Variants in OSBPL6 observed in about 807,000 individuals in gnomAD.
The protein encoded by OSBPL6 is oxysterol binding protein like 6.
OSBPL6 carries 49 observed loss-of-function variants against 125.8 expected under a neutral mutation model. That is an observed-to-expected ratio of 0.39 (90% CI 0.31 to 0.49). OSBPL6 has a LOEUF of 0.49. OSBPL6 is among the 20% of genes least tolerant of loss of function. The pLI is 0.88. For missense variants in OSBPL6, 986 were observed against 1,135.4 expected (o/e 0.87, Z 1.89); for synonymous variants, 394 against 391.8 (o/e 1.01, Z -0.07).
rs146488457 is a variant in OSBPL6, at chr2:178,198,111, G to C, written c.-351+3437G>C. ...TACACTAAGTTTAGGGAACAGATAGGTGGGGACTACCAGGAGAGATCCAAG... is the reference window on the plus strand; with the variant it reads ...TACACTAAGTTTAGGGAACAGATAGCTGGGGACTACCAGGAGAGATCCAAG... On this transcript the variant is annotated intron_variant, in intron 1 of 24. Transcript: ENST00000190611. Among the ~76,000 whole-genome samples, 593 of 152,276 alleles carry C rather than the reference G, an allele frequency of 3.9e-3. 2 individuals carry two copies. The highest frequency in any genetic ancestry group is 0.014 in the African/African-American group (575 of 41,550).
intron 3 of OSBPL6, among the ~76,000 whole-genome samples, chr2:178,309,501 A>C (rs185366292): frequency 2.0e-4 from 31 of 152,328 alleles, no homozygotes; most frequent in African/African-American, 7.2e-4. Context: ...TCTGTGCATA[A>C]TAGTAATTAC....
At chr2:178,225,355 T>C (rs1389126198) in intron 1 of OSBPL6, among the ~76,000 whole-genome samples, 1 of 152,180 alleles carries the variant, frequency 6.6e-6, no homozygotes, top group Non-Finnish European at 1.5e-5. Context: ...AGACTGAGTA[T>C]AAGAGAGATG....
intron 2 of OSBPL6, among the ~76,000 whole-genome samples, chr2:178,301,243 A>G (rs1056973493): frequency 6.6e-6 from 1 of 152,154 alleles, no homozygotes; most frequent in African/African-American, 2.4e-5. Flanking sequence ...GGTCATTTTT[A>G]TAATGATCAA....
intron 1 of OSBPL6, among the ~76,000 whole-genome samples, chr2:178,260,484 T>C (rs1466740793): frequency 1.3e-5 from 2 of 152,176 alleles, no homozygotes; most frequent in Non-Finnish European, 2.9e-5. Flanking sequence ...ACAAGGTGTT[T>C]CAGGCTCATT....
chr2:178,222,486 AC>A (rs758905825), intron 1 of OSBPL6, among the ~76,000 whole-genome samples: 5 of 152,188 alleles, frequency 3.3e-5, no homozygotes, highest in Non-Finnish European at 7.3e-5. Flanking sequence ...TACTAAAAAT[AC>A]AAAAAATTAG....
At chr2:178,258,640 C>A (rs2091961035) in intron 1 of OSBPL6, among the ~76,000 whole-genome samples, 1 of 152,140 alleles carries the variant, frequency 6.6e-6, no homozygotes, top group Admixed American at 6.5e-5. Context: ...ACAGTCTTGA[C>A]AAATGGTTAT....
chr2:178,378,289 T>C (rs1012417991), intron 15 of OSBPL6, among the ~76,000 whole-genome samples: 2 of 152,208 alleles, frequency 1.3e-5, no homozygotes, highest in South Asian at 2.1e-4. Context: ...TCTCCTGCAC[T>C]AAAACAGTTC....
intron 15 of OSBPL6, among the ~76,000 whole-genome samples, chr2:178,376,832 A>G (rs1272817410): frequency 6.6e-6 from 1 of 152,058 alleles, no homozygotes. Flanking sequence ...CTCTCCTACA[A>G]CTCACACTGG....
intron 3 of OSBPL6, among the ~76,000 whole-genome samples, chr2:178,310,105 C>T (rs1175835273): frequency 6.6e-6 from 1 of 152,166 alleles, no homozygotes; most frequent in Non-Finnish European, 1.5e-5. Context: ...TTAGATTCTT[C>T]CTTCTATGAA....
chr2:178,277,719 C>T (rs1039404367), intron 1 of OSBPL6, among the ~76,000 whole-genome samples: 6 of 152,200 alleles, frequency 3.9e-5, no homozygotes, highest in Admixed American at 1.3e-4. Flanking sequence ...GCAAGAAACA[C>T]GTGAGGCTGT....
intron 11 of OSBPL6, chr2:178,344,227 C>T (rs1410863514): frequency 5.7e-6 from 8 of 1,412,644 alleles, no homozygotes; most frequent in African/African-American, 1.4e-5. Flanking sequence ...ATCCTCCCAT[C>T]TTCCATCCTT....
At position 178,306,770 on chromosome 2, in the gene OSBPL6, A is replaced by C. The variant is rs533947048; in HGVS notation, c.102+484A>C. 5.2e-4 allele frequency among the ~76,000 whole-genome samples: 79 copies of C among 152,332 alleles called. 2 individuals are homozygous for C. In the South Asian group the frequency reaches 0.015, roughly 29 times the overall value. ...ATACCAGGAATTAAGAGCTGTGAGA[A>C]CCCAAACAATGTTTACAGGCAACAG... On this transcript the variant is annotated intron_variant, in intron 3 of 24. Coordinates refer to ENST00000190611, the MANE Select transcript of OSBPL6 (RefSeq NM_032523.4).
intron 24 of OSBPL6, among the ~76,000 whole-genome samples, chr2:178,395,166 A>G (rs1439002145): frequency 6.6e-6 from 1 of 152,094 alleles, no homozygotes; most frequent in East Asian, 1.9e-4. Flanking sequence ...GTATTTGTAT[A>G]TGCTTTATTG....
intron 1 of OSBPL6, among the ~76,000 whole-genome samples, chr2:178,267,031 TG>T (rs1434436397): frequency 6.6e-6 from 1 of 152,190 alleles, no homozygotes; most frequent in African/African-American, 2.4e-5. Flanking sequence ...TGGCTATTTT[TG>T]TTTTTGCCAA....
intron 10 of OSBPL6, 123 bp downstream of exon 10, chr2:178,339,217 T>G: frequency 1.9e-6 from 1 of 531,534 alleles, no homozygotes; most frequent in Non-Finnish European, 3.2e-6. Flanking sequence ...GACATTCATT[T>G]ATATTCTGGA....
intron 21 of OSBPL6, 55 bp from the exon 22 acceptor site, chr2:178,391,018 G>C: frequency 6.3e-7 from 1 of 1,591,190 alleles, no homozygotes. Context: ...GGAAAATACA[G>C]GGAATGATGT....
intron 1 of OSBPL6, among the ~76,000 whole-genome samples, chr2:178,243,141 T>C (rs894194329): frequency 6.6e-6 from 1 of 152,180 alleles, no homozygotes; most frequent in Non-Finnish European, 1.5e-5. Context: ...TAGTTAAGAA[T>C]GAGCACTGTT....
chr2:178,315,060 T>C (rs1425971765), intron 3 of OSBPL6, among the ~76,000 whole-genome samples: 1 of 152,236 alleles, frequency 6.6e-6, no homozygotes. Context: ...GACTAAAATG[T>C]TAATAGTTAT....
chr2:178,235,512 T>TTCTCCTGCCTCAGCC (rs2153984836), intron 1 of OSBPL6, among the ~76,000 whole-genome samples: 1 of 147,282 alleles, frequency 6.8e-6, no homozygotes, highest in South Asian at 2.3e-4. Flanking sequence ...GTTCAAGCAA[T>TTCTCCTGCCTCAGCC]TCTCCTGCCT....
Sources: allele counts gnomAD v4.1 joint callset (sites outside exome capture counted in the v4.1 genomes callset), GRCh38; gene constraint gnomAD v4.1.1; transcripts MANE v1.5; gene names NCBI Gene and HGNC (gene_info 2026-07-23, HGNC 2026-07-21).